NXPH2: variants seen among roughly 807,000 people sequenced by gnomAD.
NXPH2 encodes neurexophilin 2.
Under a neutral mutation model 19.8 loss-of-function variants are expected in NXPH2, and 5 were observed. That is an observed-to-expected ratio of 0.25 (90% CI 0.13 to 0.53). NXPH2 has a LOEUF of 0.53. NXPH2 is among the 20% of genes least tolerant of loss of function. The pLI is 0.96. For missense variants in NXPH2, 289 were observed against 322.8 expected (o/e 0.90, Z 0.80); for synonymous variants, 154 against 127.4 (o/e 1.21, Z -1.41).
chr2:138,686,841 T>C (rs1680663757), intron 1 of NXPH2, among the ~76,000 whole-genome samples: 1 of 152,170 alleles, frequency 6.6e-6, no homozygotes, highest in Non-Finnish European at 1.5e-5. Flanking sequence ...CTGAGAATGA[T>C]GGTTTCCAGC....
At chr2:138,673,823 A>G (rs188217256) in intron 1 of NXPH2, among the ~76,000 whole-genome samples, 5 of 151,592 alleles carry the variant, frequency 3.3e-5, no homozygotes, top group African/African-American at 4.8e-5. Flanking sequence ...TCATCCATCA[A>G]TCTCTCTTCA....
At chr2:138,703,178 G>A (rs2104983276) in intron 1 of NXPH2, among the ~76,000 whole-genome samples, 1 of 152,270 alleles carries the variant, frequency 6.6e-6, no homozygotes, top group East Asian at 1.9e-4. Flanking sequence ...AAAACCTAAT[G>A]CTTCGAGTGT....
At chr2:138,756,527 T>C (rs929444511) in intron 1 of NXPH2, among the ~76,000 whole-genome samples, 8 of 152,148 alleles carry the variant, frequency 5.3e-5, no homozygotes, top group Non-Finnish European at 7.4e-5. Flanking sequence ...AAAGTAGCTT[T>C]TACTTAATCT....
At position 138,712,237 on chromosome 2, in the gene NXPH2, A is replaced by G. The variant is rs892186572; in HGVS notation, c.52-40572T>C. On this transcript the variant is annotated intron_variant, in intron 1 of 1. Transcript: ENST00000272641. The stretch of plus-strand genomic sequence containing the variant: ...CTTCATGGATGGAAGTCTGTGCATT[A>G]CATGAGTAAAACAGTCTCTCCCCAG... Among the ~76,000 whole-genome samples, 3 of 133,148 alleles carry G rather than the reference A, an allele frequency of 2.3e-5. No homozygotes were observed. In the East Asian group the frequency reaches 6.0e-4, roughly 26 times the overall value. The allele number at this position is 133,148 out of a possible 152,430, so 87.4% of individuals were successfully genotyped here.
chr2:138,716,818 T>C (rs180903416), intron 1 of NXPH2, among the ~76,000 whole-genome samples: 117 of 152,300 alleles, frequency 7.7e-4, no homozygotes, highest in African/African-American at 2.6e-3. Flanking sequence ...AATAAACTTG[T>C]TAAGAAAGTA....
chr2:138,690,031 C>T (rs531131792), intron 1 of NXPH2, among the ~76,000 whole-genome samples: 2 of 152,114 alleles, frequency 1.3e-5, no homozygotes, highest in South Asian at 4.2e-4. Flanking sequence ...GTAAACTTCC[C>T]CTTAACAATG....
intron 1 of NXPH2, among the ~76,000 whole-genome samples, chr2:138,757,683 AAGGCCAACC>A (rs1020339337): frequency 1.1e-3 from 173 of 152,276 alleles, no homozygotes; most frequent in African/African-American, 3.8e-3. Context: ...TAAATTGTGT[AAGGCCAACC>A]ATCCCCATAA....
chr2:138,674,614 A>C (rs1258871808), intron 1 of NXPH2, among the ~76,000 whole-genome samples: 2 of 152,188 alleles, frequency 1.3e-5, no homozygotes, highest in African/African-American at 4.8e-5. Flanking sequence ...TGATGTGTGC[A>C]AACTTCATTC....
At chr2:138,712,372 G>A (rs1286035730) in intron 1 of NXPH2, among the ~76,000 whole-genome samples, 2 of 152,180 alleles carry the variant, frequency 1.3e-5, no homozygotes, top group Admixed American at 6.5e-5. Context: ...CTGTCACAGA[G>A]GCTGAACTGC....
intron 1 of NXPH2, among the ~76,000 whole-genome samples, chr2:138,723,121 A>C (rs1681305170): frequency 6.6e-6 from 1 of 152,132 alleles, no homozygotes; most frequent in Admixed American, 6.5e-5. Flanking sequence ...GATTTACTGT[A>C]GGGTTTCACA....
chr2:138,680,340 T>C (rs1369144344), intron 1 of NXPH2, among the ~76,000 whole-genome samples: 1 of 152,166 alleles, frequency 6.6e-6, no homozygotes, highest in African/African-American at 2.4e-5. Flanking sequence ...GGAATACTTG[T>C]AAGGAGGTGA....
chr2:138,710,989 G>T (rs1681096461), intron 1 of NXPH2, among the ~76,000 whole-genome samples: 1 of 151,970 alleles, frequency 6.6e-6, no homozygotes, highest in Non-Finnish European at 1.5e-5. Flanking sequence ...CATCTTCCTG[G>T]AGCCGGATCC....
At position 138,671,219 on chromosome 2, in the gene NXPH2, C is replaced by T. The variant is rs541087529; in HGVS notation, c.498G>A (p.Val166=). 1 of 1,613,796 alleles carries T rather than the reference C, an allele frequency of 6.2e-7. No homozygotes were observed. The highest frequency in any genetic ancestry group is 1.7e-5 in the Admixed American group (1 of 60,010). Residue 166 remains valine (V), a synonymous_variant, in exon 2 of 2, where the codon GTG becomes GTA. Coordinates refer to ENST00000272641, the MANE Select transcript of NXPH2 (RefSeq NM_007226.3). ...ACTGGGGGGAAACTTCAAATTCCAC[C>T]ACCTTGGAGGGTGGTACCAAGCTCA... ...VSVSLVPPSK[V]VEFEVSPQST...
chr2:138,676,591 A>C (rs10197712), intron 1 of NXPH2, among the ~76,000 whole-genome samples: 105,463 of 152,034 alleles, frequency 0.69, 37,007 homozygotes, highest in African/African-American at 0.72. Context: ...AGTGTGTGAC[A>C]TGAACCTCAG....
In NXPH2 at chr2:138,713,597, CTGTGTG is replaced by C. The variant is rs113220668; in HGVS notation, c.52-41938_52-41933del. 1.2e-3 allele frequency among the ~76,000 whole-genome samples: 183 copies of C among 149,624 alleles called. 1 individual carries two copies. Among genetic ancestry groups the C allele is most frequent in the African/African-American group, 4.3e-3 (174 of 40,828 alleles). ...CTTAAAGTCAACTGTAGAAAACGTTCTGTGTGTGTGTGTGTGTGTGTGTGTTTTAAT... is the reference window on the plus strand; with the variant it reads ...CTTAAAGTCAACTGTAGAAAACGTTCTGTGTGTGTGTGTGTGTGTTTTAAT... On this transcript the variant is annotated intron_variant, in intron 1 of 1. Transcript: ENST00000272641.
intron 1 of NXPH2, among the ~76,000 whole-genome samples, chr2:138,699,869 G>A (rs1000609933): frequency 2.0e-5 from 3 of 152,206 alleles, no homozygotes; most frequent in African/African-American, 7.2e-5. Flanking sequence ...TATTTTGGCT[G>A]CAGGACGCCA....
At chr2:138,672,766 C>A (rs1009114062) in intron 1 of NXPH2, among the ~76,000 whole-genome samples, 1 of 152,192 alleles carries the variant, frequency 6.6e-6, no homozygotes, top group East Asian at 1.9e-4. Flanking sequence ...CTAGCCCTTT[C>A]AAACTTGGCA....
chr2:138,771,358 T>C (rs1682171484), intron 1 of NXPH2, among the ~76,000 whole-genome samples: 3 of 151,872 alleles, frequency 2.0e-5, no homozygotes, highest in South Asian at 4.1e-4. Context: ...AGCATACATA[T>C]CCATAATATC....
chr2:138,694,279 C>G (rs1680794354), intron 1 of NXPH2, among the ~76,000 whole-genome samples: 1 of 152,128 alleles, frequency 6.6e-6, no homozygotes, highest in Non-Finnish European at 1.5e-5. Context: ...TTTATTTTGC[C>G]TCGGATTTTT....
Sources: allele counts gnomAD v4.1 joint callset (sites outside exome capture counted in the v4.1 genomes callset), GRCh38; gene constraint gnomAD v4.1.1; transcripts MANE v1.5; gene names NCBI Gene and HGNC (gene_info 2026-07-23, HGNC 2026-07-21).